PDE4D: variants seen among roughly 807,000 people sequenced by gnomAD.
PDE4D encodes the protein phosphodiesterase 4D.
In PDE4D, 24 loss-of-function variants were observed where a neutral mutation model predicts 87.4. That is an observed-to-expected ratio of 0.27 (90% CI 0.20 to 0.39). The LOEUF (loss-of-function observed/expected upper bound fraction) is 0.39, where lower values mean the gene tolerates loss of function less well. Ranked by LOEUF, PDE4D falls within the 10% of genes least tolerant of loss-of-function variation. PDE4D has a pLI of 1.00. For synonymous variants in PDE4D, 384 were observed against 383.2 expected (o/e 1.00, Z -0.02); for missense variants, 714 against 1,041.0 (o/e 0.69, Z 4.32).
intron 1 of PDE4D, among the ~76,000 whole-genome samples, chr5:60,478,925 G>A (rs1211345161): frequency 1.3e-5 from 2 of 152,136 alleles, no homozygotes; most frequent in Non-Finnish European, 2.9e-5. Context: ...AAAGACACAG[G>A]TAATAATATG....
At chr5:59,594,206 C>T (rs1826320270) in intron 1 of PDE4D, among the ~76,000 whole-genome samples, 1 of 151,634 alleles carries the variant, frequency 6.6e-6, no homozygotes, top group Non-Finnish European at 1.5e-5. Flanking sequence ...CCCAGGCTCA[C>T]CAAAAGTCTG....
At chr5:60,201,075 G>GTTAAGTAA (rs1272671769) in intron 1 of PDE4D, among the ~76,000 whole-genome samples, 24 of 144,618 alleles carry the variant, frequency 1.7e-4, no homozygotes, top group South Asian at 2.1e-4. Flanking sequence ...ACCCTCAGTT[G>GTTAAGTAA]CCAATGTGTT....
At chr5:59,060,895 C>G (rs1763022579) in intron 5 of PDE4D, among the ~76,000 whole-genome samples, 1 of 152,110 alleles carries the variant, frequency 6.6e-6, no homozygotes, top group East Asian at 1.9e-4. Flanking sequence ...GGAAATCATT[C>G]CAGCCTGGAA....
intron 6 of PDE4D, among the ~76,000 whole-genome samples, chr5:59,026,686 A>G (rs1045301985): frequency 6.6e-6 from 1 of 152,028 alleles, no homozygotes; most frequent in African/African-American, 2.4e-5. Context: ...GGTGGGAGAC[A>G]TAGGACACCC....
intron 1 of PDE4D, among the ~76,000 whole-genome samples, chr5:60,367,624 G>GT (rs1760672143): frequency 6.6e-6 from 1 of 151,964 alleles, no homozygotes; most frequent in African/African-American, 2.4e-5. Context: ...CTATCTCACA[G>GT]TTCAATTTCA....
At chr5:60,437,896 A>G (rs1744886915) in intron 1 of PDE4D, among the ~76,000 whole-genome samples, 2 of 152,194 alleles carry the variant, frequency 1.3e-5, no homozygotes, top group South Asian at 4.1e-4. Flanking sequence ...ACTTTCCTTC[A>G]TTAGAACAAC....
intron 1 of PDE4D, among the ~76,000 whole-genome samples, chr5:60,329,826 C>G (rs1343089344): frequency 2.6e-5 from 4 of 151,996 alleles, no homozygotes; most frequent in African/African-American, 7.2e-5. Flanking sequence ...GCAATCTAAA[C>G]TTGAACGACT....
intron 1 of PDE4D, among the ~76,000 whole-genome samples, chr5:59,437,222 A>C (rs1796916132): frequency 6.6e-6 from 1 of 152,216 alleles, no homozygotes; most frequent in African/African-American, 2.4e-5. Flanking sequence ...TTTGAATGTT[A>C]AATGGAGTGG....
intron 3 of PDE4D, among the ~76,000 whole-genome samples, chr5:59,970,337 A>C (rs922061427): frequency 3.1e-4 from 47 of 152,202 alleles, no homozygotes; most frequent in Non-Finnish European, 8.8e-5. Context: ...CAATGGCAAC[A>C]AAAGCCAAAA....
At chr5:60,313,340 G>T (rs553696484) in intron 1 of PDE4D, among the ~76,000 whole-genome samples, 28 of 152,192 alleles carry the variant, frequency 1.8e-4, no homozygotes, top group African/African-American at 5.5e-4. Flanking sequence ...GAATTTTTCA[G>T]GGTAAATTCC....
At chr5:59,423,815 CT>C (rs34296140) in intron 1 of PDE4D, among the ~76,000 whole-genome samples, 2,889 of 142,332 alleles carry the variant, frequency 0.02, 74 homozygotes, top group African/African-American at 0.065. Context: ...GGAATGTAAC[CT>C]TTTTTTTTTT....
At chr5:60,403,187 C>A (rs536263001) in intron 1 of PDE4D, among the ~76,000 whole-genome samples, 1 of 152,264 alleles carries the variant, frequency 6.6e-6, no homozygotes, top group South Asian at 2.1e-4. Context: ...GCAGGTGGAC[C>A]AAAACCATGG....
At chr5:59,768,381 G>T in intron 1 of PDE4D, 4 of 1,598,358 alleles carry the variant, frequency 2.5e-6, no homozygotes, top group Non-Finnish European at 3.4e-6. Flanking sequence ...TCGCTGTCTT[G>T]GACTTCTCAT....
chr5:59,444,811 AAAAC>A (rs950901289), intron 1 of PDE4D, among the ~76,000 whole-genome samples: 4 of 152,090 alleles, frequency 2.6e-5, no homozygotes, highest in African/African-American at 9.7e-5. Flanking sequence ...GTCCGCCTCA[AAAAC>A]AAACAAACAA....
At chr5:59,118,800 G>A (rs1774026899) in intron 5 of PDE4D, among the ~76,000 whole-genome samples, 1 of 152,074 alleles carries the variant, frequency 6.6e-6, no homozygotes, top group Admixed American at 6.6e-5. Flanking sequence ...AGTGAAACCT[G>A]GTTTATCCCC....
chr5:59,761,833 C>T (rs1762002376), intron 1 of PDE4D, among the ~76,000 whole-genome samples: 1 of 152,044 alleles, frequency 6.6e-6, no homozygotes, highest in Non-Finnish European at 1.5e-5. Flanking sequence ...TACATAAATA[C>T]ATAAACCAGC....
At chr5:59,205,105 GT>G (rs1748445926) in intron 2 of PDE4D, among the ~76,000 whole-genome samples, 1 of 152,186 alleles carries the variant, frequency 6.6e-6, no homozygotes, top group Non-Finnish European at 1.5e-5. Flanking sequence ...ACAGAACTCA[GT>G]GGTTTCCAAA....
At chr5:60,108,309 G>T (rs1474249450) in intron 2 of PDE4D, among the ~76,000 whole-genome samples, 2 of 151,748 alleles carry the variant, frequency 1.3e-5, no homozygotes, top group African/African-American at 4.8e-5. Flanking sequence ...CAAGGGATGT[G>T]AAGGACCTCT....
intron 1 of PDE4D, among the ~76,000 whole-genome samples, chr5:59,442,895 C>T (rs1417954396): frequency 1.3e-5 from 2 of 152,092 alleles, no homozygotes; most frequent in African/African-American, 4.8e-5. Flanking sequence ...AGTCATTGGC[C>T]CATACCATCT....
Sources: allele counts gnomAD v4.1 joint callset (sites outside exome capture counted in the v4.1 genomes callset), GRCh38; gene constraint gnomAD v4.1.1; transcripts MANE v1.5; gene names NCBI Gene and HGNC (gene_info 2026-07-23, HGNC 2026-07-21).